Variants in ME3 observed in about 807,000 individuals in gnomAD.
ME3 encodes the protein NADP-dependent malic enzyme, mitochondrial.
ME3 carries 48 observed loss-of-function variants against 68.9 expected under a neutral mutation model. That is an observed-to-expected ratio of 0.70 (90% confidence interval 0.55 to 0.89). The LOEUF is 0.89. Among genes scored for constraint, ME3 ranks in the 40% least tolerant of loss-of-function variants. The pLI, the probability that ME3 is intolerant of heterozygous loss-of-function variation, is 0.00. For synonymous variants in ME3, 320 were observed against 318.8 expected (o/e 1.00, Z -0.04); for missense variants, 675 against 797.4 (o/e 0.85, Z 1.85).
rs150582623 is a variant in ME3 at position 86,565,257 on chromosome 11, A to G, written c.184-5434T>C. ...TGTTGATGAACATGTGGAGAAATGA[A>G]AACTCTGACTGGTACATTGCTGGTG... On this transcript the variant is annotated intron_variant, in intron 2 of 14. Coordinates refer to ENST00000543262, the Ensembl canonical transcript of ME3. Among the ~76,000 whole-genome samples the G allele has an allele frequency of 5.3e-5, 8 of 152,340 alleles. No homozygotes were observed. The East Asian group carries it at 1.5e-3, about 29-fold the overall frequency.
chr11:86,598,108 G>A (rs1005515854), intron 2 of ME3, among the ~76,000 whole-genome samples: 2 of 152,146 alleles, frequency 1.3e-5, no homozygotes, highest in South Asian at 2.1e-4. Flanking sequence ...AGGACAGTGG[G>A]TGCAGTGCAC....
At chr11:86,443,243 C>T (rs1394307306) in intron 13 of ME3, among the ~76,000 whole-genome samples, 1 of 152,214 alleles carries the variant, frequency 6.6e-6, no homozygotes, top group Non-Finnish European at 1.5e-5. Context: ...CAGCCTGTTG[C>T]ATAGGGATCC....
chr11:86,526,715 C>G (rs985803001), intron 4 of ME3, among the ~76,000 whole-genome samples: 10 of 152,320 alleles, frequency 6.6e-5, no homozygotes, highest in Middle Eastern at 3.4e-3. Context: ...TCACCAATAT[C>G]TGCTGTTCTG....
At chr11:86,540,629 C>T (rs1007432545) in intron 4 of ME3, among the ~76,000 whole-genome samples, 14 of 152,150 alleles carry the variant, frequency 9.2e-5, no homozygotes, top group Non-Finnish European at 1.9e-4. Flanking sequence ...TTCAATGTTA[C>T]CACTTCAGAG....
At chr11:86,453,528 C>A (rs1949756209) in intron 8 of ME3, among the ~76,000 whole-genome samples, 1 of 152,042 alleles carries the variant, frequency 6.6e-6, no homozygotes, top group African/African-American at 2.4e-5. Context: ...AATATGCTTC[C>A]CCCCCACCAC....
intron 2 of ME3, among the ~76,000 whole-genome samples, chr11:86,643,873 G>A (rs1168084797): frequency 6.6e-6 from 1 of 152,086 alleles, no homozygotes; most frequent in Non-Finnish European, 1.5e-5. Context: ...CTTACTATCT[G>A]GAAGACCATG....
chr11:86,482,011 A>G (rs1190214279), intron 7 of ME3, among the ~76,000 whole-genome samples: 1 of 152,190 alleles, frequency 6.6e-6, no homozygotes, highest in Non-Finnish European at 1.5e-5. Context: ...CTTACCAACA[A>G]TATCCTAGTC....
intron 4 of ME3, among the ~76,000 whole-genome samples, chr11:86,539,272 T>A (rs1389475638): frequency 6.6e-6 from 1 of 152,124 alleles, no homozygotes; most frequent in Non-Finnish European, 1.5e-5. Flanking sequence ...CCAGAGATTC[T>A]GATGGGCCAT....
intron 2 of ME3, among the ~76,000 whole-genome samples, chr11:86,645,522 A>G (rs1355361577): frequency 5.9e-5 from 9 of 152,166 alleles, no homozygotes; most frequent in Admixed American, 5.9e-4. Flanking sequence ...TGGGCAGGGC[A>G]TCTCTGAGAA....
At chr11:86,497,833 C>T in intron 6 of ME3, 130 bp downstream of exon 6, 1 of 1,093,748 alleles carries the variant, frequency 9.1e-7, no homozygotes, top group Non-Finnish European at 1.3e-6. Flanking sequence ...GGGGAATGCC[C>T]TGGTCGGGAG....
At chr11:86,521,069 C>A (rs1354769995) in intron 4 of ME3, among the ~76,000 whole-genome samples, 2 of 152,188 alleles carry the variant, frequency 1.3e-5, no homozygotes, top group Non-Finnish European at 2.9e-5. Context: ...TTATTTAACT[C>A]CACCGAATCT....
intron 7 of ME3, among the ~76,000 whole-genome samples, chr11:86,470,900 T>G (rs1293771525): frequency 6.6e-6 from 1 of 152,192 alleles, no homozygotes. Context: ...CTGAAAATCC[T>G]AAGAGGGCTT....
chr11:86,540,498 C>T (rs987163609), intron 4 of ME3, among the ~76,000 whole-genome samples: 1 of 152,176 alleles, frequency 6.6e-6, no homozygotes, highest in African/African-American at 2.4e-5. Context: ...ATAGGACCTT[C>T]TTGATCTATT....
At chr11:86,511,226 T>C (rs893303426) in intron 4 of ME3, among the ~76,000 whole-genome samples, 1 of 152,238 alleles carries the variant, frequency 6.6e-6, no homozygotes, top group African/African-American at 2.4e-5. Flanking sequence ...TTGAAATCAA[T>C]GACTCATTGT....
intron 6 of ME3, among the ~76,000 whole-genome samples, chr11:86,492,747 G>C (rs531545351): frequency 6.6e-6 from 1 of 152,306 alleles, no homozygotes; most frequent in African/African-American, 2.4e-5. Context: ...CTCCCGTAAG[G>C]TTTTTCTTGG....
At chr11:86,642,070 C>A (rs1944704831) in intron 2 of ME3, among the ~76,000 whole-genome samples, 1 of 152,146 alleles carries the variant, frequency 6.6e-6, no homozygotes, top group Admixed American at 6.5e-5. Context: ...GAGAAAGTGA[C>A]AACACTTAGC....
intron 2 of ME3, among the ~76,000 whole-genome samples, chr11:86,637,589 C>A (rs1339730720): frequency 6.6e-6 from 1 of 152,270 alleles, no homozygotes; most frequent in African/African-American, 2.4e-5. Context: ...GTAGCACGCA[C>A]AGCACAGACT....
At chr11:86,547,239 C>CAAAAAAAAAAAAA (rs1169843852) in intron 4 of ME3, among the ~76,000 whole-genome samples, 3 of 45,998 alleles carry the variant, frequency 6.5e-5, no homozygotes, top group African/African-American at 1.6e-4. Flanking sequence ...GACTCCATCT[C>CAAAAAAAAAAAAA]AAAAAAAAAA....
At chr11:86,476,609 C>A (rs1951095370) in intron 7 of ME3, among the ~76,000 whole-genome samples, 1 of 152,100 alleles carries the variant, frequency 6.6e-6, no homozygotes, top group Admixed American at 6.6e-5. Context: ...CTTCAAACAG[C>A]TGCAAAAAAA....
Sources: gnomAD v4.1 joint callset for allele counts (sites outside exome capture counted in the v4.1 genomes callset) on GRCh38, gnomAD v4.1.1 for gene constraint, MANE v1.5 for transcripts, NCBI Gene and HGNC (gene_info 2026-07-23, HGNC 2026-07-21) for gene names.